Variants in GRID1 observed in about 807,000 individuals in gnomAD.
GRID1 encodes glutamate receptor ionotropic, delta-1.
Under a neutral mutation model 98.0 loss-of-function variants are expected in GRID1, and 28 were observed. The ratio of observed to expected loss-of-function variants is 0.29; its 90% CI spans 0.21 to 0.39. The LOEUF is 0.39. GRID1 is among the 10% of genes least tolerant of loss of function. GRID1 has a pLI of 1.00. For missense variants in GRID1, 1,111 were observed against 1,340.5 expected (o/e 0.83, Z 2.67); for synonymous variants, 553 against 538.5 (o/e 1.03, Z -0.37).
intron 8 of GRID1, among the ~76,000 whole-genome samples, chr10:85,796,285 A>C (rs1220012760): frequency 2.0e-5 from 3 of 152,242 alleles, no homozygotes; most frequent in Non-Finnish European, 2.9e-5. Flanking sequence ...CTGTAAGCCA[A>C]AGGGACTTAT....
chr10:86,042,288 C>A (rs1019939412), intron 4 of GRID1, among the ~76,000 whole-genome samples: 1 of 152,222 alleles, frequency 6.6e-6, no homozygotes, highest in Non-Finnish European at 1.5e-5. Flanking sequence ...GTCAGCCTGG[C>A]CTGATACTCA....
intron 4 of GRID1, among the ~76,000 whole-genome samples, chr10:86,131,716 C>A (rs557063699): frequency 6.6e-6 from 1 of 152,186 alleles, no homozygotes; most frequent in Non-Finnish European, 1.5e-5. Flanking sequence ...TGCTTAGATG[C>A]TCCTTTGAAA....
At chr10:86,185,897 G>A (rs1009587177) in intron 3 of GRID1, among the ~76,000 whole-genome samples, 5 of 152,108 alleles carry the variant, frequency 3.3e-5, no homozygotes, top group South Asian at 2.1e-4. Flanking sequence ...TGCTTGTCAC[G>A]TTTTGGTCAG....
In GRID1 at chr10:85,919,446, G is replaced by A. The variant is rs535951291; in HGVS notation, c.727-3207C>T. Among the ~76,000 whole-genome samples, 16 of 152,108 alleles carry A rather than the reference G, an allele frequency of 1.1e-4. No homozygotes were observed. In the East Asian group the frequency reaches 1.8e-3, roughly 17 times the overall value. ...AGAGGGTGCCACTCGCACAGAGGCT[G>A]AGATAGATGGAGAGAAGGAGAAGCT... On this transcript the variant is annotated intron_variant, in intron 4 of 15. Transcript: ENST00000327946.
At chr10:85,609,736 T>C (rs1842712881) in intron 15 of GRID1, among the ~76,000 whole-genome samples, 3 of 152,170 alleles carry the variant, frequency 2.0e-5, no homozygotes. Context: ...GCAACAAGAA[T>C]TCCAAACTCT....
intron 4 of GRID1, among the ~76,000 whole-genome samples, chr10:85,962,882 C>T (rs1842288179): frequency 6.6e-6 from 1 of 152,206 alleles, no homozygotes; most frequent in African/African-American, 2.4e-5. Flanking sequence ...GGAAGCAATG[C>T]TGAGTGAGAC....
At position 86,279,862 on chromosome 10, in the gene GRID1, T is replaced by TA. The variant is rs34039903; in HGVS notation, c.236-73215dup. Among the ~76,000 whole-genome samples the TA allele has an allele frequency of 7.2e-4, 109 of 152,204 alleles. No homozygotes were observed. The East Asian group carries it at 0.019, about 27-fold the overall frequency. ...AGAAAATTTGATGGAATCTACCCTT[T>TA]AAAAAAAGGCACTAAAACCAATAAG... On this transcript the variant is annotated intron_variant, in intron 2 of 15. Transcript: ENST00000327946.
chr10:85,649,210 C>T (rs530023062), intron 12 of GRID1, among the ~76,000 whole-genome samples: 220 of 152,316 alleles, frequency 1.4e-3, no homozygotes, highest in African/African-American at 4.1e-3. Flanking sequence ...CCTCCCCGGC[C>T]AGCACACAGA....
At chr10:85,810,665 G>A (rs1444707692) in intron 8 of GRID1, among the ~76,000 whole-genome samples, 7 of 152,170 alleles carry the variant, frequency 4.6e-5, no homozygotes, top group Middle Eastern at 3.4e-3. Context: ...AACCTGCCCC[G>A]GCCGACATGC....
intron 4 of GRID1, among the ~76,000 whole-genome samples, chr10:86,056,706 C>G (rs1843577364): frequency 6.6e-6 from 1 of 152,224 alleles, no homozygotes; most frequent in South Asian, 2.1e-4. Flanking sequence ...AGACAGAGCC[C>G]CCAGGTCACA....
intron 8 of GRID1, among the ~76,000 whole-genome samples, chr10:85,765,225 C>T (rs1014464991): frequency 6.6e-6 from 1 of 152,136 alleles, no homozygotes; most frequent in South Asian, 2.1e-4. Context: ...ATGGTATTTG[C>T]TTCTGAATTC....
At position 85,854,624 on chromosome 10, in the gene GRID1, G is replaced by C. The variant is rs748139750; in HGVS notation, c.1114-9C>G. 27 of 1,613,892 alleles carry C rather than the reference G, an allele frequency of 1.7e-5. No individual in the cohort carries two copies. Among genetic ancestry groups the C allele is most frequent in the Non-Finnish European group, 2.2e-5 (26 of 1,179,914 alleles). On this transcript the variant is annotated splice_polypyrimidine_tract_variant and intron_variant, in intron 7 of 15. Coordinates refer to ENST00000327946, the MANE Select transcript of GRID1 (RefSeq NM_017551.3). ...AGGCCAGTGATGTGGCCCTGCAGAA[G>C]AGGAGAAAAACCCATTGGAAAATCT...
Position 85,856,013 on chromosome 10 carries a change from GC to G in GRID1, c.1113+15del. On this transcript the variant is annotated intron_variant, in intron 7 of 15. Transcript: ENST00000327946. The stretch of plus-strand genomic sequence containing the variant: ...GCCTGTCTTTGGCCAGGTTGGGGGT[GC>G]CCCCTCACACGTACCTTTTTGATGG... The G allele has an allele frequency of 1.2e-6, 2 of 1,611,140 alleles. No individual in the cohort carries two copies. The highest frequency in any genetic ancestry group is 1.7e-6 in the Non-Finnish European group (2 of 1,178,628).
At chr10:86,314,157 C>T (rs998386606) in intron 2 of GRID1, among the ~76,000 whole-genome samples, 13 of 152,200 alleles carry the variant, frequency 8.5e-5, no homozygotes, top group Non-Finnish European at 1.3e-4. Context: ...GCTTCCAGCT[C>T]TTCACTCCTG....
At chr10:85,840,995 A>T (rs528976151) in intron 8 of GRID1, among the ~76,000 whole-genome samples, 17 of 152,086 alleles carry the variant, frequency 1.1e-4, no homozygotes, top group Non-Finnish European at 2.5e-4. Flanking sequence ...ACATTTTAAA[A>T]TTCATATGGA....
chr10:85,780,251 A>AGAG (rs1200923666), intron 8 of GRID1, among the ~76,000 whole-genome samples: 11 of 152,200 alleles, frequency 7.2e-5, no homozygotes, highest in African/African-American at 2.7e-4. Context: ...TGCCATGGGC[A>AGAG]CTGCAGTCCA....
At chr10:86,332,587 G>T (rs1218451779) in intron 2 of GRID1, among the ~76,000 whole-genome samples, 1 of 152,024 alleles carries the variant, frequency 6.6e-6, no homozygotes, top group Non-Finnish European at 1.5e-5. Flanking sequence ...CTTGAACTCA[G>T]CTCCCTGGAA....
At chr10:86,213,215 A>G (rs1387959402) in intron 2 of GRID1, among the ~76,000 whole-genome samples, 1 of 152,068 alleles carries the variant, frequency 6.6e-6, no homozygotes. Flanking sequence ...GAGTCAACTC[A>G]GGGTGGATCA....
chr10:85,683,832 T>TA (rs1426655151), intron 12 of GRID1, among the ~76,000 whole-genome samples: 8 of 152,170 alleles, frequency 5.3e-5, no homozygotes, highest in African/African-American at 1.9e-4. Flanking sequence ...AACACACTCT[T>TA]ACAGATAATA....
Sources: gnomAD v4.1 joint callset for allele counts (sites outside exome capture counted in the v4.1 genomes callset) on GRCh38, gnomAD v4.1.1 for gene constraint, MANE v1.5 for transcripts, NCBI Gene and HGNC (gene_info 2026-07-23, HGNC 2026-07-21) for gene names.